Variants in AK8 observed in about 807,000 individuals in gnomAD.
AK8 encodes adenylate kinase 8, also known as ATP-AMP transphosphorylase 8.
A neutral mutation model predicts 54.6 loss-of-function variants in AK8; 44 were observed. That is an observed-to-expected ratio of 0.81 (90% CI 0.63 to 1.04). The LOEUF (loss-of-function observed/expected upper bound fraction) is 1.04, where lower values mean the gene tolerates loss of function less well. Ranked by LOEUF, AK8 falls within the 50% of genes least tolerant of loss-of-function variation. The probability of loss-of-function intolerance (pLI) is 0.00; values close to 1 mark genes in which losing one functional copy is unlikely to be tolerated. For missense variants in AK8, 555 were observed against 613.6 expected (o/e 0.90, Z 1.01); for synonymous variants, 239 against 245.6 (o/e 0.97, Z 0.25).
chr9:132,805,245 C>T (rs1045729750), intron 10 of AK8, among the ~76,000 whole-genome samples: 2 of 152,176 alleles, frequency 1.3e-5, no homozygotes, highest in Non-Finnish European at 1.5e-5. Context: ...CTGTGCACTC[C>T]GGCTCTCCTT....
chr9:132,817,391 G>C (rs1841380061), intron 9 of AK8, among the ~76,000 whole-genome samples: 1 of 152,162 alleles, frequency 6.6e-6, no homozygotes, highest in Admixed American at 6.5e-5. Flanking sequence ...AGAGAAAACA[G>C]GCCAGAGAAT....
intron 10 of AK8, among the ~76,000 whole-genome samples, chr9:132,805,833 A>G (rs1196006391): frequency 6.6e-6 from 1 of 152,118 alleles, no homozygotes; most frequent in Non-Finnish European, 1.5e-5. Context: ...TCCATGAGGA[A>G]ATCTTTGTAG....
intron 4 of AK8, among the ~76,000 whole-genome samples, chr9:132,859,927 AGTATTACTGGAAACCAT>A (rs1170324012): frequency 6.6e-6 from 1 of 152,074 alleles, no homozygotes; most frequent in Non-Finnish European, 1.5e-5. Flanking sequence ...GGGTTTCTGC[AGTATTACTGGAAACCAT>A]GTCCCTTTCA....
At chr9:132,756,440 C>A (rs537823605) in intron 11 of AK8, among the ~76,000 whole-genome samples, 15 of 152,192 alleles carry the variant, frequency 9.9e-5, no homozygotes, top group Non-Finnish European at 1.8e-4. Flanking sequence ...CTGCAACCTG[C>A]GAAGCAGTTT....
chr9:132,873,449 C>T (rs1843945907), intron 2 of AK8, among the ~76,000 whole-genome samples: 1 of 152,006 alleles, frequency 6.6e-6, no homozygotes, highest in African/African-American at 2.4e-5. Flanking sequence ...GGGGGGGTGG[C>T]AGGACAGAGG....
chr9:132,748,410 T>C (rs1309260085), intron 11 of AK8, among the ~76,000 whole-genome samples: 2 of 150,430 alleles, frequency 1.3e-5, no homozygotes, highest in Non-Finnish European at 3.0e-5. Flanking sequence ...GGACAAAGAG[T>C]GGGACGACCT....
intron 11 of AK8, among the ~76,000 whole-genome samples, chr9:132,730,242 G>GGCC (rs1187018350): frequency 6.6e-6 from 1 of 152,166 alleles, no homozygotes; most frequent in African/African-American, 2.4e-5. Flanking sequence ...GCTGCCAAGA[G>GGCC]GCCGCGCTTT....
intron 1 of AK8, 116 bp from the exon 2 acceptor site, chr9:132,875,315 C>G: frequency 6.7e-7 from 1 of 1,500,030 alleles, no homozygotes; most frequent in South Asian, 1.3e-5. Flanking sequence ...ATGCCTTCAA[C>G]CTGGGACCCA....
intron 4 of AK8, among the ~76,000 whole-genome samples, chr9:132,862,707 C>T (rs536405997): frequency 6.6e-6 from 1 of 152,322 alleles, no homozygotes; most frequent in African/African-American, 2.4e-5. Context: ...GCTCTGTGGC[C>T]TCACTGAGCC....
intron 11 of AK8, among the ~76,000 whole-genome samples, chr9:132,786,911 C>A (rs940290175): frequency 6.6e-6 from 1 of 151,896 alleles, no homozygotes; most frequent in Non-Finnish European, 1.5e-5. Context: ...GATAAAAAAA[C>A]CATGAAATAA....
intron 10 of AK8, among the ~76,000 whole-genome samples, chr9:132,811,629 G>T (rs1841013258): frequency 6.6e-6 from 1 of 152,204 alleles, no homozygotes; most frequent in Non-Finnish European, 1.5e-5. Context: ...AGTAACAGAA[G>T]ACAAATACAC....
intron 9 of AK8, among the ~76,000 whole-genome samples, chr9:132,815,101 C>T (rs775681600): frequency 1.3e-5 from 2 of 152,164 alleles, no homozygotes; most frequent in East Asian, 1.9e-4. Flanking sequence ...GCGTTCTGGC[C>T]GGGGGCTGCT....
At chr9:132,754,495 C>T (rs1838096079) in intron 11 of AK8, among the ~76,000 whole-genome samples, 1 of 152,186 alleles carries the variant, frequency 6.6e-6, no homozygotes, top group African/African-American at 2.4e-5. Context: ...ACAGGATCGG[C>T]CCCATCCCCA....
intron 11 of AK8, among the ~76,000 whole-genome samples, chr9:132,742,990 A>G (rs1019942712): frequency 6.6e-6 from 1 of 152,162 alleles, no homozygotes; most frequent in African/African-American, 2.4e-5. Flanking sequence ...ACAGCACTCC[A>G]TTGTGATTCC....
rs117372861 is a variant in AK8 at position 132,852,929 on chromosome 9, C to T, written c.402+1928G>A. The stretch of plus-strand genomic sequence containing the variant: ...AGAGAGAGTAGGGTGCAGGAAGTTA[C>T]GTGAAGAAATAAAGGCTAAAAACTT... On this transcript the variant is annotated intron_variant, in intron 5 of 12. Transcript: ENST00000298545. 9.4e-4 allele frequency among the ~76,000 whole-genome samples: 142 copies of T among 151,714 alleles called. 2 individuals carry two copies. In the Middle Eastern group the frequency reaches 0.017, roughly 18 times the overall value.
chr9:132,768,176 A>T (rs528693328), intron 11 of AK8, among the ~76,000 whole-genome samples: 52 of 152,352 alleles, frequency 3.4e-4, no homozygotes, highest in Non-Finnish European at 5.0e-4. Flanking sequence ...TGATCATCGC[A>T]CGTTATATGC....
intron 11 of AK8, among the ~76,000 whole-genome samples, chr9:132,733,875 C>A (rs1054670011): frequency 6.6e-6 from 1 of 152,142 alleles, no homozygotes; most frequent in Non-Finnish European, 1.5e-5. Context: ...TGGCCAGGGG[C>A]GGGCACTCTA....
At chr9:132,727,779 C>A (rs1483096868) in intron 11 of AK8, among the ~76,000 whole-genome samples, 1 of 152,088 alleles carries the variant, frequency 6.6e-6, no homozygotes, top group Non-Finnish European at 1.5e-5. Flanking sequence ...TCTTCCTGCC[C>A]TAAATCACCT....
intron 5 of AK8, among the ~76,000 whole-genome samples, chr9:132,839,596 C>T (rs760100183): frequency 1.7e-4 from 26 of 152,078 alleles, no homozygotes; most frequent in Non-Finnish European, 7.3e-5. Flanking sequence ...TCAGCAGCAC[C>T]GGGGAGGATG....
Sources: gnomAD v4.1 joint callset for allele counts (sites outside exome capture counted in the v4.1 genomes callset) on GRCh38, gnomAD v4.1.1 for gene constraint, MANE v1.5 for transcripts, NCBI Gene and HGNC (gene_info 2026-07-23, HGNC 2026-07-21) for gene names.